Variants in GNAQ observed in about 807,000 individuals in gnomAD.
The protein encoded by GNAQ is guanine nucleotide-binding protein G(q) subunit alpha.
GNAQ carries 8 observed loss-of-function variants against 43.9 expected under a neutral mutation model. That is an observed-to-expected ratio of 0.18 (90% confidence interval 0.11 to 0.33). GNAQ has a LOEUF of 0.33. Among genes scored for constraint, GNAQ ranks in the 10% least tolerant of loss-of-function variants. The pLI is 1.00. For missense variants in GNAQ, 158 were observed against 450.8 expected (o/e 0.35, Z 5.88); for synonymous variants, 155 against 170.7 (o/e 0.91, Z 0.71).
Position 77,718,683 on chromosome 9 carries a change from G to T in GNAQ, c.*2640C>A, listed in dbSNP as rs1460579460. ...GTAACACTTATGATCTTGTGATGAG[G>T]TTTTCTCTATACACACTGTAGGCCT... On this transcript the variant is annotated 3_prime_UTR_variant, in exon 7 of 7. Coordinates refer to ENST00000286548, the MANE Select transcript of GNAQ (RefSeq NM_002072.5). The T allele has an allele frequency of 4.7e-6, 1 of 213,040 alleles. No homozygotes were observed. Among genetic ancestry groups the T allele is most frequent in the Non-Finnish European group, 9.2e-6 (1 of 108,964 alleles). 13.2% of individuals were successfully genotyped at this position (213,040 alleles called of 1,614,324 possible). A position where few individuals can be genotyped will look rare whatever the true frequency, so the allele number is the denominator to read the frequency against.
intron 1 of GNAQ, among the ~76,000 whole-genome samples, chr9:78,016,504 T>C (rs1212719789): frequency 6.6e-6 from 1 of 152,080 alleles, no homozygotes. Context: ...GCTAACACAG[T>C]GAAGCCCTGT....
intron 1 of GNAQ, among the ~76,000 whole-genome samples, chr9:77,950,197 G>C (rs1244309770): frequency 1.3e-5 from 2 of 152,176 alleles, no homozygotes; most frequent in African/African-American, 2.4e-5. Flanking sequence ...TTCATGTGCT[G>C]GTCAGCTCTA....
intron 1 of GNAQ, among the ~76,000 whole-genome samples, chr9:77,934,187 A>G (rs901388073): frequency 5.3e-5 from 8 of 151,546 alleles, no homozygotes; most frequent in East Asian, 3.9e-4. Flanking sequence ...CGATCCGCAC[A>G]TAGCCACTTG....
At chr9:77,891,743 A>G (rs762285410) in intron 2 of GNAQ, among the ~76,000 whole-genome samples, 4 of 152,238 alleles carry the variant, frequency 2.6e-5, no homozygotes, top group Non-Finnish European at 5.9e-5. Context: ...CTCCATATCA[A>G]TAACACAGAC....
intron 2 of GNAQ, among the ~76,000 whole-genome samples, chr9:77,892,100 C>G (rs916076124): frequency 1.3e-5 from 2 of 152,130 alleles, no homozygotes; most frequent in Non-Finnish European, 2.9e-5. Flanking sequence ...TTAAAACATA[C>G]TAGGTTCTAG....
At chr9:77,881,475 C>T (rs574577680) in intron 2 of GNAQ, among the ~76,000 whole-genome samples, 168 of 152,290 alleles carry the variant, frequency 1.1e-3, no homozygotes, top group Non-Finnish European at 2.1e-3. Flanking sequence ...AACTCCTGGG[C>T]TTGAGTGATC....
In GNAQ at chr9:78,002,373, C is replaced by T. The variant is rs115219917; in HGVS notation, c.136+28727G>A. ...ACACAAAGAGAAGAACACACCCCCACACAGAGACACACAACCACAAGAAAG... is the reference window on the plus strand; with the variant it reads ...ACACAAAGAGAAGAACACACCCCCATACAGAGACACACAACCACAAGAAAG... On this transcript the variant is annotated intron_variant, in intron 1 of 6. Coordinates refer to ENST00000286548, the MANE Select transcript of GNAQ (RefSeq NM_002072.5). Among the ~76,000 whole-genome samples, 325 of 152,258 alleles carry T rather than the reference C, an allele frequency of 2.1e-3. 1 individual carries two copies. The highest frequency in any genetic ancestry group is 7.6e-3 in the African/African-American group (317 of 41,556).
chr9:78,027,519 T>G (rs541219751), intron 1 of GNAQ, among the ~76,000 whole-genome samples: 2 of 152,040 alleles, frequency 1.3e-5, no homozygotes, highest in Non-Finnish European at 2.9e-5. Context: ...CCAAGACCAT[T>G]TAAGGTCTTC....
At position 77,719,957 on chromosome 9, in the gene GNAQ, C is replaced by T. The variant is rs1481348176; in HGVS notation, c.*1366G>A. ...TTCAGATTTTGGAAATTAAAGGTGT[C>T]GGAATAATACTACCAACCAATGTTC... On this transcript the variant is annotated 3_prime_UTR_variant, in exon 7 of 7. Transcript: ENST00000286548. The T allele has an allele frequency of 4.3e-6, 1 of 232,254 alleles. No individual in the cohort carries two copies. The highest frequency in any genetic ancestry group is 8.5e-6 in the Non-Finnish European group (1 of 117,514). The allele number at this position is 232,254 out of a possible 1,614,324, so 14.4% of individuals were successfully genotyped here. A position where few individuals can be genotyped will look rare whatever the true frequency, so the allele number is the denominator to read the frequency against.
At chr9:78,010,383 T>C (rs987609349) in intron 1 of GNAQ, among the ~76,000 whole-genome samples, 1 of 152,152 alleles carries the variant, frequency 6.6e-6, no homozygotes, top group Non-Finnish European at 1.5e-5. Flanking sequence ...AATGAAAGAT[T>C]TCTAATAAAC....
At chr9:77,926,087 G>C (rs1829068975) in intron 1 of GNAQ, among the ~76,000 whole-genome samples, 1 of 152,120 alleles carries the variant, frequency 6.6e-6, no homozygotes, top group African/African-American at 2.4e-5. Flanking sequence ...CGCGAATAGG[G>C]AAGGCCAAAT....
chr9:77,890,073 T>G (rs1828376821), intron 2 of GNAQ, among the ~76,000 whole-genome samples: 1 of 152,230 alleles, frequency 6.6e-6, no homozygotes, highest in Admixed American at 6.5e-5. Flanking sequence ...GGTTTGTAAG[T>G]TTTCTACTTT....
intron 1 of GNAQ, among the ~76,000 whole-genome samples, chr9:77,983,983 ACTCT>A (rs911554453): frequency 5.6e-5 from 8 of 142,728 alleles, no homozygotes; most frequent in Admixed American, 2.3e-4. Flanking sequence ...TTATTCAAAG[ACTCT>A]CTCTCTCTCC....
At chr9:77,934,313 A>G (rs1490228924) in intron 1 of GNAQ, among the ~76,000 whole-genome samples, 1 of 152,186 alleles carries the variant, frequency 6.6e-6, no homozygotes, top group African/African-American at 2.4e-5. Context: ...ATTAACAACT[A>G]TTAAATTTCT....
chr9:77,875,238 A>AT (rs1828108929), intron 2 of GNAQ, among the ~76,000 whole-genome samples: 1 of 152,334 alleles, frequency 6.6e-6, no homozygotes, highest in Non-Finnish European at 1.5e-5. Flanking sequence ...AAACAACACA[A>AT]TTTTTTAAGA....
At chr9:77,721,615 C>T in intron 6 of GNAQ, 102 bp from the exon 7 acceptor site, 1 of 730,068 alleles carries the variant, frequency 1.4e-6, no homozygotes, top group African/African-American at 1.7e-5. Context: ...ATGAAGCCTA[C>T]ATCTGCACTG....
At chr9:77,952,965 TAC>T (rs1823000370) in intron 1 of GNAQ, among the ~76,000 whole-genome samples, 1 of 152,232 alleles carries the variant, frequency 6.6e-6, no homozygotes, top group Non-Finnish European at 1.5e-5. Context: ...GTTAATTCAC[TAC>T]ACAGAGGTTT....
At chr9:77,923,381 C>T (rs1829025860) in intron 1 of GNAQ, among the ~76,000 whole-genome samples, 2 of 152,070 alleles carry the variant, frequency 1.3e-5, no homozygotes, top group African/African-American at 4.8e-5. Context: ...TTTTTCACAT[C>T]TTCAATATTA....
At chr9:77,745,537 A>C (rs559844541) in intron 5 of GNAQ, among the ~76,000 whole-genome samples, 1 of 152,196 alleles carries the variant, frequency 6.6e-6, no homozygotes, top group South Asian at 2.1e-4. Context: ...AAGAAAGAAA[A>C]TGTTTGGAGA....
Sources: allele counts gnomAD v4.1 joint callset (sites outside exome capture counted in the v4.1 genomes callset), GRCh38; gene constraint gnomAD v4.1.1; transcripts MANE v1.5; gene names NCBI Gene and HGNC (gene_info 2026-07-23, HGNC 2026-07-21).